The following ZNF804B variants were observed in gnomAD, a reference collection of about 807,000 sequenced individuals.
ZNF804B encodes the protein zinc finger 804B.
In ZNF804B, 80 loss-of-function variants were observed where a neutral mutation model predicts 101.4. The observed-to-expected ratio is 0.79, with a 90% confidence interval of 0.66 to 0.95. ZNF804B has a LOEUF of 0.95. ZNF804B is among the 40% of genes least tolerant of loss of function. ZNF804B has a pLI of 0.00. For missense variants in ZNF804B, 1,673 were observed against 1,561.9 expected (o/e 1.07, Z -1.20); for synonymous variants, 622 against 558.8 (o/e 1.11, Z -1.59).
At chr7:89,207,539 G>C (rs1788732580) in intron 1 of ZNF804B, among the ~76,000 whole-genome samples, 1 of 152,212 alleles carries the variant, frequency 6.6e-6, no homozygotes. Context: ...TTCAAGGTGA[G>C]ATTTGGGTGG....
intron 1 of ZNF804B, among the ~76,000 whole-genome samples, chr7:88,984,398 T>C (rs1269396491): frequency 6.6e-6 from 1 of 152,028 alleles, no homozygotes; most frequent in African/African-American, 2.4e-5. Context: ...TCTTTGTTTG[T>C]TGTTTACTTA....
chr7:89,254,629 T>C (rs1268000326), intron 2 of ZNF804B, among the ~76,000 whole-genome samples: 2 of 146,030 alleles, frequency 1.4e-5, no homozygotes, highest in East Asian at 3.9e-4. Context: ...GGACACTATT[T>C]ATTTTTATTT....
chr7:89,132,169 TACACACAC>T (rs59188340), intron 1 of ZNF804B, among the ~76,000 whole-genome samples: 42,322 of 131,244 alleles, frequency 0.32, 6,417 homozygotes, highest in East Asian at 0.57. Context: ...CACGCACACA[TACACACAC>T]ACACACACAC....
At chr7:89,219,580 T>C (rs962383074) in intron 2 of ZNF804B, among the ~76,000 whole-genome samples, 1 of 151,636 alleles carries the variant, frequency 6.6e-6, no homozygotes, top group African/African-American at 2.4e-5. Flanking sequence ...TGGTTAGATG[T>C]TATCCTTGCT....
At chr7:89,283,242 A>C (rs182240681) in intron 2 of ZNF804B, among the ~76,000 whole-genome samples, 141 of 152,308 alleles carry the variant, frequency 9.3e-4, no homozygotes, top group Non-Finnish European at 1.6e-3. Context: ...GAATCTCTAA[A>C]ACTGACACTA....
At chr7:88,897,514 G>A (rs1216188622) in intron 1 of ZNF804B, among the ~76,000 whole-genome samples, 1 of 133,420 alleles carries the variant, frequency 7.5e-6, no homozygotes, top group Non-Finnish European at 1.5e-5. Flanking sequence ...GATTAAATAT[G>A]TGCTGTTTCA....
At chr7:88,917,240 G>A (rs371092086) in intron 1 of ZNF804B, among the ~76,000 whole-genome samples, 4 of 152,002 alleles carry the variant, frequency 2.6e-5, no homozygotes, top group African/African-American at 9.7e-5. Flanking sequence ...ACTCCAGCCT[G>A]GGGGACAGGA....
intron 1 of ZNF804B, among the ~76,000 whole-genome samples, chr7:89,039,473 ATT>A (rs1021752443): frequency 6.6e-6 from 1 of 151,948 alleles, no homozygotes. Context: ...TATAAATGAA[ATT>A]GTTTTCATAA....
At chr7:89,053,662 C>T (rs1029360730) in intron 1 of ZNF804B, among the ~76,000 whole-genome samples, 1 of 151,876 alleles carries the variant, frequency 6.6e-6, no homozygotes, top group African/African-American at 2.4e-5. Context: ...TTCCTCTTCT[C>T]TTTTCTTCCT....
At chr7:89,278,835 C>T (rs981139687) in intron 2 of ZNF804B, among the ~76,000 whole-genome samples, 2 of 151,808 alleles carry the variant, frequency 1.3e-5, no homozygotes, top group African/African-American at 4.8e-5. Context: ...GCGATGCAGG[C>T]TCTTTTTTGG....
chr7:89,048,017 C>G (rs1053974150), intron 1 of ZNF804B, among the ~76,000 whole-genome samples: 4 of 151,298 alleles, frequency 2.6e-5, no homozygotes, highest in African/African-American at 9.7e-5. Flanking sequence ...TGAGTAAGTT[C>G]TTTAGTGGTG....
chr7:88,764,957 A>G (rs1789958202), intron 1 of ZNF804B, among the ~76,000 whole-genome samples: 2 of 152,142 alleles, frequency 1.3e-5, no homozygotes, highest in South Asian at 2.1e-4. Context: ...TATGTCAAGT[A>G]TCATATAAAG....
chr7:89,049,885 G>C (rs950395941), intron 1 of ZNF804B, among the ~76,000 whole-genome samples: 2 of 152,070 alleles, frequency 1.3e-5, no homozygotes, highest in African/African-American at 2.4e-5. Flanking sequence ...GGTGGCATGT[G>C]CCTGTAGTCC....
At chr7:89,246,396 C>T (rs939679271) in intron 2 of ZNF804B, among the ~76,000 whole-genome samples, 1 of 151,898 alleles carries the variant, frequency 6.6e-6, no homozygotes, top group South Asian at 2.1e-4. Flanking sequence ...GCATTTGGAA[C>T]ACCTGCTTGC....
At chr7:88,898,383 G>C (rs966139880) in intron 1 of ZNF804B, among the ~76,000 whole-genome samples, 2 of 151,942 alleles carry the variant, frequency 1.3e-5, no homozygotes, top group African/African-American at 4.8e-5. Flanking sequence ...ACAGCGCCCG[G>C]CCAGTTCTCC....
chr7:88,870,629 G>T (rs2115878125), intron 1 of ZNF804B, among the ~76,000 whole-genome samples: 1 of 152,160 alleles, frequency 6.6e-6, no homozygotes, highest in South Asian at 2.1e-4. Context: ...CTGCAAGGGA[G>T]TCTTGAAAAT....
chr7:89,270,544 T>C (rs1355609811), intron 2 of ZNF804B, among the ~76,000 whole-genome samples: 1 of 152,200 alleles, frequency 6.6e-6, no homozygotes, highest in Non-Finnish European at 1.5e-5. Context: ...GACTTGGCAA[T>C]GAGGGCTCCT....
rs753175516 is a variant in ZNF804B at position 89,336,397 on chromosome 7, A to G, written c.3415A>G (p.Ile1139Val). 6 of 1,613,994 alleles carry G rather than the reference A, an allele frequency of 3.7e-6. No individual in the cohort carries two copies. Among genetic ancestry groups the G allele is most frequent in the Non-Finnish European group, 5.1e-6 (6 of 1,179,964 alleles). The change falls in exon 4 of 4, where the codon ATC becomes GTC. Residue 1139 changes from isoleucine to valine, a missense_variant. Coordinates refer to ENST00000333190, the MANE Select transcript of ZNF804B (RefSeq NM_181646.5). ...CGGATTAGAAATGTGTCATAAATCT[A>G]TCTCTCCCCCTTTAATTCAACAGCC... ...EDGLEMCHKS[I>V]SPPLIQQPIT...
chr7:89,199,786 AT>A (rs1012183026), intron 1 of ZNF804B, among the ~76,000 whole-genome samples: 2 of 151,290 alleles, frequency 1.3e-5, no homozygotes, highest in Non-Finnish European at 2.9e-5. Flanking sequence ...AATTTATGAC[AT>A]TTTATATACA....
Sources: allele counts gnomAD v4.1 joint callset (sites outside exome capture counted in the v4.1 genomes callset), GRCh38; gene constraint gnomAD v4.1.1; transcripts MANE v1.5; gene names NCBI Gene and HGNC (gene_info 2026-07-23, HGNC 2026-07-21).